NSD2: variants seen among roughly 807,000 people sequenced by gnomAD.
NSD2 encodes histone-lysine N-methyltransferase NSD2.
Under a neutral mutation model 139.0 loss-of-function variants are expected in NSD2, and 12 were observed. The observed-to-expected ratio is 0.09, with a 90% CI of 0.06 to 0.14. The LOEUF is 0.14. Ranked by LOEUF, NSD2 falls within the 10% of genes least tolerant of loss-of-function variation. The pLI, the probability that NSD2 is intolerant of heterozygous loss-of-function variation, is 1.00. For missense variants in NSD2, 1,155 were observed against 1,745.0 expected, an observed-to-expected ratio of 0.66 and a Z score of 6.02; for synonymous variants, 669 against 648.7, an observed-to-expected ratio of 1.03 and a Z score of -0.48.
At chr4:1,950,714 G>T (rs1346927995) in intron 9 of NSD2, among the ~76,000 whole-genome samples, 3 of 152,152 alleles carry the variant, frequency 2.0e-5, no homozygotes, top group African/African-American at 7.2e-5. Context: ...AACAGACTAG[G>T]TAAGAAGGGC....
At chr4:1,896,388 G>A (rs140091295) in intron 1 of NSD2, among the ~76,000 whole-genome samples, 78 of 152,374 alleles carry the variant, frequency 5.1e-4, no homozygotes, top group Middle Eastern at 3.4e-3. Context: ...GCATTAGGCA[G>A]TGTAGCTAGA....
At position 1,952,090 on chromosome 4, in the gene NSD2, C is replaced by T; in HGVS notation, c.2014-18C>T. 5.6e-6 allele frequency: 9 copies of T among 1,612,886 alleles called. No homozygotes were observed. The highest frequency in any genetic ancestry group is 6.8e-6 in the Non-Finnish European group (8 of 1,179,204). ...GGGACTGCCGGGCGCTGCTTACCCGCCTGCTCTGCCCCCGCAGCTGTGTGA... is the reference window on the plus strand; with the variant it reads ...GGGACTGCCGGGCGCTGCTTACCCGTCTGCTCTGCCCCCGCAGCTGTGTGA... On this transcript the variant is annotated intron_variant, in intron 10 of 21. Transcript: ENST00000508803.
intron 1 of NSD2, among the ~76,000 whole-genome samples, chr4:1,886,647 T>G (rs1715136075): frequency 6.6e-6 from 1 of 152,008 alleles, no homozygotes; most frequent in Admixed American, 6.6e-5. Context: ...CTAGCCAACG[T>G]GGTGGAACCC....
chr4:1,891,878 AAAAC>A (rs1186374172), intron 1 of NSD2, among the ~76,000 whole-genome samples: 42 of 150,618 alleles, frequency 2.8e-4, no homozygotes, highest in Middle Eastern at 3.4e-3. Context: ...AAAACAAAAA[AAAAC>A]AAACAAAAAC....
intron 3 of NSD2, among the ~76,000 whole-genome samples, chr4:1,913,773 G>T (rs1242084526): frequency 6.6e-6 from 1 of 151,792 alleles, no homozygotes. Context: ...ACCAGTCTCC[G>T]CATCTTGGTG....
At chr4:1,971,206 T>C (rs1577573700) in intron 18 of NSD2, among the ~76,000 whole-genome samples, 1 of 151,864 alleles carries the variant, frequency 6.6e-6, no homozygotes, top group Admixed American at 6.6e-5. Context: ...TAAAAAAAAA[T>C]TGTGGCCAAA....
At chr4:1,920,841 C>G (rs1720021373) in intron 5 of NSD2, among the ~76,000 whole-genome samples, 1 of 151,572 alleles carries the variant, frequency 6.6e-6, no homozygotes, top group Non-Finnish European at 1.5e-5. Context: ...TGAGACCAGC[C>G]TGGGCAACAT....
chr4:1,951,202 A>G lies in NSD2; in HGVS notation c.2012A>G (p.Gln671Arg). 1 of 1,614,108 alleles carries G rather than the reference A, an allele frequency of 6.2e-7. No homozygotes were observed. Among genetic ancestry groups the G allele is most frequent in the South Asian group, 1.1e-5 (1 of 91,084 alleles). Residue 671 changes from glutamine to arginine, a missense_variant and splice_region_variant, in exon 10 of 22, where the codon CAG (glutamine) becomes CGG (arginine). By Grantham distance (43) the Gln-to-Arg change is conservative. This residue lies in a region of NSD2 where 120 missense variants were observed against 239.3 expected (regional missense o/e 0.50). Coordinates refer to ENST00000508803, the MANE Select transcript of NSD2 (RefSeq NM_001042424.3). ...GVTAKKEYVC[Q>R]LCEKPGSLLL... Reference sequence around the variant, plus strand: ...ACTGCCAAAAAGGAGTATGTGTGCCAGGTGAGGAGAAGGCAGCATCCGCTA... The same window carrying G: ...ACTGCCAAAAAGGAGTATGTGTGCCGGGTGAGGAGAAGGCAGCATCCGCTA...
intron 5 of NSD2, chr4:1,919,169 A>C (rs1457651132): frequency 1.6e-5 from 2 of 128,008 alleles, no homozygotes; most frequent in Non-Finnish European, 3.1e-5. Context: ...CTGTGTCTCA[A>C]AAAAAAAAAA....
chr4:1,925,840 C>T lies in NSD2; in HGVS notation c.1411-4786C>T, dbSNP rs369609076. 7.2e-5 allele frequency among the ~76,000 whole-genome samples: 11 copies of T among 151,848 alleles called. No individual in the cohort carries two copies. In the East Asian group the frequency reaches 1.2e-3, roughly 16 times the overall value. The stretch of plus-strand genomic sequence containing the variant: ...TTTTTGAGACAGGGTCTTACTCTGT[C>T]GCCCAGGCTGGAGTGCAGTGGTGCA... On this transcript the variant is annotated intron_variant, in intron 5 of 21. Coordinates refer to ENST00000508803, the MANE Select transcript of NSD2 (RefSeq NM_001042424.3).
chr4:1,963,581 GAA>G (rs2108985159), intron 18 of NSD2, among the ~76,000 whole-genome samples: 1 of 152,324 alleles, frequency 6.6e-6, no homozygotes, highest in South Asian at 2.1e-4. Flanking sequence ...TAGTAAAAAA[GAA>G]ATGCCAGGTT....
At chr4:1,932,619 G>C (rs191901995) in intron 6 of NSD2, among the ~76,000 whole-genome samples, 20 of 152,216 alleles carry the variant, frequency 1.3e-4, no homozygotes, top group Admixed American at 8.5e-4. Context: ...GGTGGCACAT[G>C]CCTGTAATCC....
At chr4:1,937,822 C>T (rs893910571) in intron 7 of NSD2, among the ~76,000 whole-genome samples, 1 of 152,234 alleles carries the variant, frequency 6.6e-6, no homozygotes. Flanking sequence ...TTTTCAGCCA[C>T]ACCTTTCAGA....
At position 1,900,864 on chromosome 4, in the gene NSD2, C is replaced by G. The variant is rs778644056; in HGVS notation, c.210C>G (p.Ala70=). The G allele has an allele frequency of 1.9e-6, 3 of 1,613,536 alleles. No homozygotes were observed. The highest frequency in any genetic ancestry group is 1.7e-4 in the Middle Eastern group (1 of 6,058). Residue 70 remains alanine (A), a synonymous_variant, in exon 2 of 22, where the codon GCC becomes GCG. Coordinates refer to ENST00000508803, the MANE Select transcript of NSD2 (RefSeq NM_001042424.3). Reference sequence around the variant, plus strand: ...TGCAGAAGTTTAACGGCCACGACGCCCTGCCCTTTATTCCAGCCGACAAGC... The same window carrying G: ...TGCAGAAGTTTAACGGCCACGACGCGCTGCCCTTTATTCCAGCCGACAAGC... The part of the protein sequence containing the change: ...GVMQKFNGHD[A]LPFIPADKLK...
At chr4:1,887,665 TTAATC>T (rs1715220189) in intron 1 of NSD2, 1 of 152,266 alleles carries the variant, frequency 6.6e-6, no homozygotes, top group Non-Finnish European at 1.5e-5. Context: ...TTGGCTGTTT[TTAATC>T]TACCACACTT....
At chr4:1,876,913 A>T (rs1018918818) in intron 1 of NSD2, among the ~76,000 whole-genome samples, 1 of 152,108 alleles carries the variant, frequency 6.6e-6, no homozygotes, top group Admixed American at 6.6e-5. Flanking sequence ...AGGCAGGCAG[A>T]TCACCTGAGG....
chr4:1,918,730 G>T, intron 5 of NSD2, 107 bp downstream of exon 5: 1 of 1,424,294 alleles, frequency 7.0e-7, no homozygotes, highest in Non-Finnish European at 9.4e-7. Context: ...TCTAACATGA[G>T]CCTTGCATAG....
intron 1 of NSD2, among the ~76,000 whole-genome samples, chr4:1,880,909 G>C (rs1396597835): frequency 6.6e-6 from 1 of 152,196 alleles, no homozygotes; most frequent in Non-Finnish European, 1.5e-5. Context: ...ACAGAATTTG[G>C]AACACTGATT....
At chr4:1,873,089 ACTTT>A (rs1180129849) in intron 1 of NSD2, among the ~76,000 whole-genome samples, 3 of 152,182 alleles carry the variant, frequency 2.0e-5, no homozygotes, top group African/African-American at 7.2e-5. Context: ...AAGCACGATT[ACTTT>A]GAGTCATTTC....
Sources: gnomAD v4.1 joint callset for allele counts (sites outside exome capture counted in the v4.1 genomes callset) on GRCh38, gnomAD v4.1.1 for gene constraint, gnomAD v4.1.1 regional missense constraint, MANE v1.5 for transcripts, NCBI Gene and HGNC (gene_info 2026-07-23, HGNC 2026-07-21) for gene names.